PCDHGB1: variants seen among roughly 807,000 people sequenced by gnomAD.
PCDHGB1 encodes the protein protocadherin gamma subfamily B, 1.
A neutral mutation model predicts 56.6 loss-of-function variants in PCDHGB1; 34 were observed. The ratio of observed to expected loss-of-function variants is 0.60; its 90% CI spans 0.46 to 0.80. The LOEUF (loss-of-function observed/expected upper bound fraction) is 0.80, where lower values mean the gene tolerates loss of function less well. PCDHGB1 is among the 30% of genes least tolerant of loss of function. The probability of loss-of-function intolerance (pLI) is 0.00; values close to 1 mark genes in which losing one functional copy is unlikely to be tolerated. For synonymous variants in PCDHGB1, 561 were observed against 505.9 expected, an observed-to-expected ratio of 1.11 and a Z score of -1.46; for missense variants, 1,278 against 1,204.6, an observed-to-expected ratio of 1.06 and a Z score of -0.90.
intron 1 of PCDHGB1, chr5:141,428,225 A>G (rs775012950): frequency 4.3e-6 from 5 of 1,156,574 alleles, no homozygotes; most frequent in Non-Finnish European, 6.3e-6. Flanking sequence ...GTCTTCGCAG[A>G]CAGCCTGCAG....
intron 1 of PCDHGB1, among the ~76,000 whole-genome samples, chr5:141,368,490 A>C (rs1765682210): frequency 6.6e-6 from 1 of 152,216 alleles, no homozygotes; most frequent in Admixed American, 6.5e-5. Context: ...AAGAGAATCT[A>C]TACAGTAGGT....
chr5:141,399,665 A>T, intron 1 of PCDHGB1: 14 of 1,613,648 alleles, frequency 8.7e-6, no homozygotes, highest in Non-Finnish European at 1.2e-5. Flanking sequence ...GTGTTCGCGC[A>T]GCGCGCCTTT....
intron 1 of PCDHGB1, among the ~76,000 whole-genome samples, chr5:141,401,393 A>G (rs2094149748): frequency 6.6e-6 from 1 of 152,202 alleles, no homozygotes. Context: ...ACTACATGTT[A>G]TGTGTATGAG....
intron 1 of PCDHGB1, chr5:141,410,801 A>T: frequency 3.4e-6 from 2 of 587,936 alleles, no homozygotes; most frequent in South Asian, 3.5e-5. Context: ...AAGTTGCTCT[A>T]TCTTTTTGTA....
At chr5:141,403,905 A>G in intron 1 of PCDHGB1, 1 of 1,613,894 alleles carries the variant, frequency 6.2e-7, no homozygotes, top group Non-Finnish European at 8.5e-7. Context: ...TATGAAATGG[A>G]AATACAAGCT....
intron 1 of PCDHGB1, chr5:141,371,527 T>G: frequency 2.5e-6 from 4 of 1,613,816 alleles, no homozygotes; most frequent in Non-Finnish European, 3.4e-6. Context: ...GATTCTGGAT[T>G]TAATGGAGAA....
intron 2 of PCDHGB1, among the ~76,000 whole-genome samples, chr5:141,503,365 G>A (rs2099819492): frequency 6.6e-6 from 1 of 152,020 alleles, no homozygotes; most frequent in East Asian, 1.9e-4. Flanking sequence ...GGGAAGCGGA[G>A]GCAGGTGGAT....
intron 1 of PCDHGB1, chr5:141,365,282 G>A: frequency 6.2e-7 from 1 of 1,613,998 alleles, no homozygotes; most frequent in South Asian, 1.1e-5. Context: ...CTACCTCATG[G>A]AAGTGGTAGC....
chr5:141,452,133 A>C (rs2098734490), intron 1 of PCDHGB1, among the ~76,000 whole-genome samples: 1 of 152,136 alleles, frequency 6.6e-6, no homozygotes, highest in Admixed American at 6.5e-5. Flanking sequence ...TATATGGCTC[A>C]TGTGTTTTTT....
rs1380943019 is a variant in PCDHGB1 at position 141,389,411 on chromosome 5, C to T, written c.2409+36742C>T. ...CCTACGTGTCCATAAGCGCGGAGAG[C>T]GGGGTGGTGTTCGCGCAGCGCGCCT... is the stretch of plus-strand genomic sequence containing the variant. On this transcript the variant is annotated intron_variant, in intron 1 of 3. Coordinates refer to ENST00000523390, the MANE Select transcript of PCDHGB1 (RefSeq NM_018922.3). 8 of 1,613,450 alleles carry T rather than the reference C, an allele frequency of 5.0e-6. No homozygotes were observed. The East Asian group carries it at 6.7e-5, about 13-fold the overall frequency.
chr5:141,481,781 G>A (rs957054361), intron 1 of PCDHGB1, among the ~76,000 whole-genome samples: 3 of 151,998 alleles, frequency 2.0e-5, no homozygotes, highest in Admixed American at 6.6e-5. Context: ...GTGAAACCCC[G>A]TCTCTACTAA....
chr5:141,423,777 T>A, intron 1 of PCDHGB1: 1 of 1,159,844 alleles, frequency 8.6e-7, no homozygotes, highest in Non-Finnish European at 1.1e-6. Flanking sequence ...GGCATATATT[T>A]AGTTCATATA....
chr5:141,420,255 A>G lies in PCDHGB1; in HGVS notation c.2409+67586A>G, dbSNP rs917458059. The G allele has an allele frequency of 7.6e-6, 12 of 1,569,630 alleles. No homozygotes were observed. Among genetic ancestry groups the G allele is most frequent in the African/African-American group, 1.4e-5 (1 of 73,152 alleles). ...ATTTTAACTCCCAGCGTTGAAGCAG[A>G]TAAGAAGATTCTTAAACAGGTAAGT... is the stretch of plus-strand genomic sequence containing the variant. On this transcript the variant is annotated intron_variant, in intron 1 of 3. Coordinates refer to ENST00000523390, the MANE Select transcript of PCDHGB1 (RefSeq NM_018922.3).
chr5:141,405,353 A>G lies in PCDHGB1; in HGVS notation c.2409+52684A>G, dbSNP rs187461819. 6.9e-5 allele frequency: 112 copies of G among 1,614,026 alleles called. No homozygotes were observed. Among genetic ancestry groups the G allele is most frequent in the Admixed American group, 5.8e-4 (35 of 60,010 alleles). On this transcript the variant is annotated intron_variant, in intron 1 of 3. Coordinates refer to ENST00000523390, the MANE Select transcript of PCDHGB1 (RefSeq NM_018922.3). Reference sequence around the variant, plus strand: ...CGTCTCTGTTGATTCCAAGTTTCCTATAGAAGACACCCCTTTGGTTCCGGT... The same window carrying G: ...CGTCTCTGTTGATTCCAAGTTTCCTGTAGAAGACACCCCTTTGGTTCCGGT...
At chr5:141,459,315 T>C (rs2154566534) in intron 1 of PCDHGB1, among the ~76,000 whole-genome samples, 1 of 152,362 alleles carries the variant, frequency 6.6e-6, no homozygotes, top group East Asian at 1.9e-4. Context: ...CTATTTTGTA[T>C]CCATCTTCTT....
At chr5:141,429,924 A>T (rs2097252885) in intron 1 of PCDHGB1, among the ~76,000 whole-genome samples, 1 of 152,210 alleles carries the variant, frequency 6.6e-6, no homozygotes, top group Admixed American at 6.5e-5. Context: ...GTATTAATAG[A>T]ATTCTGGAGT....
At chr5:141,400,791 T>C in intron 1 of PCDHGB1, 1 of 562,286 alleles carries the variant, frequency 1.8e-6, no homozygotes, top group Non-Finnish European at 3.1e-6. Flanking sequence ...TTTGTCCTCT[T>C]TCTCAAAGCT....
At chr5:141,461,794 C>T (rs191966750) in intron 1 of PCDHGB1, among the ~76,000 whole-genome samples, 7 of 152,134 alleles carry the variant, frequency 4.6e-5, no homozygotes, top group African/African-American at 1.7e-4. Flanking sequence ...GCTGGGATTA[C>T]AGGTGCCCAC....
chr5:141,488,939 T>C (rs1229571704), intron 1 of PCDHGB1, among the ~76,000 whole-genome samples: 1 of 152,114 alleles, frequency 6.6e-6, no homozygotes, highest in Non-Finnish European at 1.5e-5. Context: ...GGAAACTCCA[T>C]AATTGGTTGA....
Sources: allele counts gnomAD v4.1 joint callset (sites outside exome capture counted in the v4.1 genomes callset), GRCh38; gene constraint gnomAD v4.1.1; transcripts MANE v1.5; gene names NCBI Gene and HGNC (gene_info 2026-07-23, HGNC 2026-07-21).